The following RBM5 variants were observed in gnomAD, a reference collection of about 807,000 sequenced individuals.
The protein encoded by RBM5 is RNA binding motif protein 5, also known as RNA-binding protein 5.
A neutral mutation model predicts 124.6 loss-of-function variants in RBM5; 15 were observed. That is an observed-to-expected ratio of 0.12 (90% CI 0.08 to 0.19). RBM5 has a LOEUF of 0.19. Among genes scored for constraint, RBM5 ranks in the 10% least tolerant of loss-of-function variants. The pLI is 1.00. For missense variants in RBM5, 580 were observed against 1,026.5 expected, an observed-to-expected ratio of 0.57 and a Z score of 5.94; for synonymous variants, 337 against 361.2, an observed-to-expected ratio of 0.93 and a Z score of 0.76.
At position 50,099,891 on chromosome 3, in the gene RBM5, T is replaced by C. The variant is rs62263599; in HGVS notation, c.340-91T>C. 4 of 1,162,046 alleles carry C rather than the reference T, an allele frequency of 3.4e-6. No individual in the cohort carries two copies. The East Asian group carries it at 1.1e-4, about 32-fold the overall frequency. The allele number at this position is 1,162,046 out of a possible 1,614,324, so 72.0% of individuals were successfully genotyped here. A position where few individuals can be genotyped will look rare whatever the true frequency, so the allele number is the denominator to read the frequency against. On this transcript the variant is annotated intron_variant, in intron 4 of 24. Coordinates refer to ENST00000347869, the MANE Select transcript of RBM5 (RefSeq NM_005778.4). ...TCCCATCTTAAAAAAAAAAAAAACT[T>C]GGCTAATTAAACAGTTGATGTAATT...
chr3:50,114,158 T>C, intron 19 of RBM5, 22 bp from the exon 20 acceptor site: 12 of 1,614,130 alleles, frequency 7.4e-6, no homozygotes, highest in Middle Eastern at 1.6e-4. Context: ...TTGAGTCTCA[T>C]GGCTTGTCCT....
intron 1 of RBM5, among the ~76,000 whole-genome samples, chr3:50,089,597 C>A (rs774952678): frequency 6.6e-6 from 1 of 152,248 alleles, no homozygotes. Context: ...TGAATATGCC[C>A]CGGGACTTGT....
At chr3:50,098,003 G>T (rs980149620) in intron 4 of RBM5, among the ~76,000 whole-genome samples, 1 of 151,978 alleles carries the variant, frequency 6.6e-6, no homozygotes, top group East Asian at 1.9e-4. Context: ...TTGAGGCTGA[G>T]GCAGAATTGC....
At position 50,107,580 on chromosome 3, in the gene RBM5, G is replaced by A. The variant is rs2091056421; in HGVS notation, c.1041+11G>A. On this transcript the variant is annotated intron_variant, in intron 12 of 24. Coordinates refer to ENST00000347869, the MANE Select transcript of RBM5 (RefSeq NM_005778.4). ...TGGTCATCCACCCAGGTAAGATCGAGGATCTTTTTGCTCAAGGTAGTGTGG... is the reference window on the plus strand; with the variant it reads ...TGGTCATCCACCCAGGTAAGATCGAAGATCTTTTTGCTCAAGGTAGTGTGG... 1.9e-6 allele frequency: 3 copies of A among 1,578,512 alleles called. No individual in the cohort carries two copies. Among genetic ancestry groups the A allele is most frequent in the South Asian group, 2.2e-5 (2 of 90,304 alleles).
At position 50,108,712 on chromosome 3, in the gene RBM5, GA is replaced by G. The variant is rs111847188; in HGVS notation, c.1192+418del. Among the ~76,000 whole-genome samples the G allele has an allele frequency of 2.0e-3, 291 of 147,148 alleles. 4 individuals are homozygous for G. The highest frequency in any genetic ancestry group is 6.9e-3 in the African/African-American group (275 of 40,102). ...ACAGAGTGAGATTCTGTCTCAGAAA[GA>G]AAAAAAAAAGAATGTAGGGGGCATA... On this transcript the variant is annotated intron_variant, in intron 14 of 24. Transcript: ENST00000347869.
chr3:50,093,263 C>T (rs1009351417), intron 3 of RBM5, among the ~76,000 whole-genome samples: 2 of 149,426 alleles, frequency 1.3e-5, no homozygotes, highest in African/African-American at 5.0e-5. Flanking sequence ...CATGGTGAAA[C>T]CCTGTCTCTA....
intron 15 of RBM5, 70 bp downstream of exon 15, chr3:50,109,758 C>T (rs1461017185): frequency 1.6e-6 from 2 of 1,267,278 alleles, no homozygotes; most frequent in Admixed American, 3.4e-5. Flanking sequence ...ACAAGTATTA[C>T]CCTTTCCTGT....
At chr3:50,090,000 TTAA>T (rs1247839519) in intron 1 of RBM5, 1 of 171,592 alleles carries the variant, frequency 5.8e-6, no homozygotes, top group Non-Finnish European at 1.3e-5. Context: ...GACACTTGGA[TTAA>T]TGTTTTAACG....
Position 50,100,691 on chromosome 3 carries a change from C to T in RBM5, c.483+86C>T. 1 of 1,089,538 alleles carries T rather than the reference C, an allele frequency of 9.2e-7. No individual in the cohort carries two copies. Among genetic ancestry groups the T allele is most frequent in the South Asian group, 1.6e-5 (1 of 61,452 alleles). The allele number at this position is 1,089,538 out of a possible 1,614,324, so 67.5% of individuals were successfully genotyped here. On this transcript the variant is annotated intron_variant, in intron 6 of 24. Transcript: ENST00000347869. The surrounding 1 kb of genome is among the most constrained non-coding windows in gnomAD (Gnocchi z 5.1). Reference sequence around the variant, plus strand: ...AAAAAGGTTGAAGGAGTGGTTTGTTCCAAAGGAGTGACTTTTTTTTAAAAA... The same window carrying T: ...AAAAAGGTTGAAGGAGTGGTTTGTTTCAAAGGAGTGACTTTTTTTTAAAAA...
In RBM5 at chr3:50,108,312, A is replaced by G; in HGVS notation, c.1192+8A>G. 1.9e-6 allele frequency: 3 copies of G among 1,600,604 alleles called. No individual in the cohort carries two copies. The highest frequency in any genetic ancestry group is 2.6e-6 in the Non-Finnish European group (3 of 1,167,640). On this transcript the variant is annotated splice_region_variant and intron_variant, in intron 14 of 24. Coordinates refer to ENST00000347869, the MANE Select transcript of RBM5 (RefSeq NM_005778.4). Reference sequence around the variant, plus strand: ...ATGCATCATCTGCATCAGGTAGTAAACTTCATCTCCCTTTTACCTTTTGTT... The same window carrying G: ...ATGCATCATCTGCATCAGGTAGTAAGCTTCATCTCCCTTTTACCTTTTGTT...
At chr3:50,109,264 G>A (rs765561713) in intron 14 of RBM5, among the ~76,000 whole-genome samples, 20 of 152,034 alleles carry the variant, frequency 1.3e-4, no homozygotes, top group Non-Finnish European at 1.6e-4. Flanking sequence ...TAGTAGAGAC[G>A]GGGTTTCACC....
intron 2 of RBM5, among the ~76,000 whole-genome samples, chr3:50,091,553 G>GA (rs35407762): frequency 6.6e-6 from 1 of 151,750 alleles, no homozygotes; most frequent in East Asian, 1.9e-4. Flanking sequence ...GCCTGATGGG[G>GA]AAAAAAAAGA....
intron 9 of RBM5, 57 bp from the exon 10 acceptor site, chr3:50,105,492 T>G (rs1418565560): frequency 6.4e-7 from 1 of 1,566,046 alleles, no homozygotes; most frequent in Non-Finnish European, 8.7e-7. Context: ...CTTGGAAAAC[T>G]TTGGTACATT....
At chr3:50,098,695 G>GC (rs112903300) in intron 4 of RBM5, among the ~76,000 whole-genome samples, 1,676 of 152,052 alleles carry the variant, frequency 0.011, 39 homozygotes, top group African/African-American at 0.039. Flanking sequence ...ACCTGCCTTG[G>GC]CCCCCCAAAG....
At chr3:50,105,013 A>T (rs2091003046) in intron 8 of RBM5, 64 bp from the exon 9 acceptor site, 2 of 1,223,130 alleles carry the variant, frequency 1.6e-6, no homozygotes, top group South Asian at 1.3e-5. Flanking sequence ...TGGGGATTTT[A>T]ATGTATTTCT....
intron 2 of RBM5, 91 bp downstream of exon 2, chr3:50,090,542 T>G (rs1332635395): frequency 1.4e-6 from 2 of 1,473,434 alleles, no homozygotes; most frequent in East Asian, 2.3e-5. Flanking sequence ...AATATATGAG[T>G]GTTTTGCGCC....
chr3:50,110,252 G>T (rs573715068), intron 15 of RBM5, 127 bp from the exon 16 acceptor site: 2 of 761,032 alleles, frequency 2.6e-6, no homozygotes, highest in African/African-American at 1.8e-5. Flanking sequence ...TTTTGCTGAG[G>T]GATTGCCTTA....
chr3:50,113,609 A>T, intron 18 of RBM5, 65 bp downstream of exon 18: 5 of 1,475,886 alleles, frequency 3.4e-6, no homozygotes, highest in Non-Finnish European at 4.6e-6. Flanking sequence ...TTGGGGTTGT[A>T]GCATTTATGT....
Position 50,115,902 on chromosome 3 carries a change from G to A in RBM5, c.2020-4G>A. The A allele has an allele frequency of 5.0e-6, 8 of 1,610,802 alleles. No individual in the cohort carries two copies. The highest frequency in any genetic ancestry group is 6.8e-6 in the Non-Finnish European group (8 of 1,177,046). ...TTACTGTGTCTTTCAAATCTTTTGT[G>A]TAGCAAAACATGGACATCTATCGAC... On this transcript the variant is annotated splice_polypyrimidine_tract_variant and splice_region_variant and intron_variant, in intron 21 of 24. Transcript: ENST00000347869.
Sources: allele counts gnomAD v4.1 joint callset (sites outside exome capture counted in the v4.1 genomes callset), GRCh38; gene constraint gnomAD v4.1.1; non-coding constraint Gnocchi (gnomAD v3.1); transcripts MANE v1.5; gene names NCBI Gene and HGNC (gene_info 2026-07-23, HGNC 2026-07-21).